The following PXK variants were observed in gnomAD, a reference collection of about 807,000 sequenced individuals.
The protein encoded by PXK is PX domain-containing protein kinase-like protein.
A neutral mutation model predicts 84.7 loss-of-function variants in PXK; 35 were observed. The ratio of observed to expected loss-of-function variants is 0.41; its 90% CI spans 0.32 to 0.55. The LOEUF is 0.55. PXK is among the 20% of genes least tolerant of loss of function. The pLI is 0.21. For missense variants in PXK, 634 were observed against 699.7 expected, an observed-to-expected ratio of 0.91 and a Z score of 1.06; for synonymous variants, 253 against 260.8, an observed-to-expected ratio of 0.97 and a Z score of 0.29.
In PXK at chr3:58,425,925, C is replaced by A. The variant is rs2062752560; in HGVS notation, c.*965C>A. ...TAATCCATTTAAAAATTCAAGTACA[C>A]ACATCAGTGTTGGTTACTATGCAGA... On this transcript the variant is annotated 3_prime_UTR_variant, in exon 18 of 18. Transcript: ENST00000356151. 6.6e-6 allele frequency: 1 copy of A among 152,202 alleles called. No homozygotes were observed. Among genetic ancestry groups the A allele is most frequent in the Non-Finnish European group, 1.5e-5 (1 of 68,036 alleles). The allele number at this position is 152,202 out of a possible 1,614,324, so 9.4% of individuals were successfully genotyped here.
At chr3:58,340,156 CG>C (rs1316038340) in intron 1 of PXK, among the ~76,000 whole-genome samples, 17 of 148,838 alleles carry the variant, frequency 1.1e-4, no homozygotes, top group Admixed American at 2.0e-4. Flanking sequence ...GGTCTCACTC[CG>C]TCAGCCAGGC....
chr3:58,419,732 C>T (rs1273874090), intron 17 of PXK, among the ~76,000 whole-genome samples: 2 of 152,216 alleles, frequency 1.3e-5, no homozygotes, highest in African/African-American at 4.8e-5. Context: ...GCTGGAGGGC[C>T]TCTTTTCCGT....
chr3:58,410,174 A>C lies in PXK; in HGVS notation c.1465+15A>C, dbSNP rs750077626. 2 of 1,548,854 alleles carry C rather than the reference A, an allele frequency of 1.3e-6. No homozygotes were observed. The highest frequency in any genetic ancestry group is 3.3e-5 in the Admixed American group (2 of 59,902). Reference sequence around the variant, plus strand: ...CAATAATTCAGGTAACTGGTTATAGATGGTAGTGGGGCCCAGGACACAGAG... The same window carrying C: ...CAATAATTCAGGTAACTGGTTATAGCTGGTAGTGGGGCCCAGGACACAGAG... On this transcript the variant is annotated intron_variant, in intron 16 of 17. Coordinates refer to ENST00000356151, the MANE Select transcript of PXK (RefSeq NM_017771.5).
chr3:58,413,301 A>G (rs1228165748), intron 17 of PXK: 1 of 302,714 alleles, frequency 3.3e-6, no homozygotes, highest in Non-Finnish European at 6.3e-6. Flanking sequence ...GCCGTGGCCC[A>G]GGGGTCCCGT....
intron 1 of PXK, among the ~76,000 whole-genome samples, chr3:58,342,543 G>A (rs2097754943): frequency 6.7e-6 from 1 of 148,906 alleles, no homozygotes; most frequent in Non-Finnish European, 1.5e-5. Context: ...GCTGAGGCAC[G>A]AGAATCGCTT....
Position 58,395,746 on chromosome 3 carries a change from G to A in PXK, c.809G>A (p.Arg270Gln), listed in dbSNP as rs879025708. ...CTCCAGCAAATAAAAACATATGGAC[G>A]GCAAATATTAGAGGTAAGAGGTACT... ...LELQQIKTYG[R>Q]QILEVLKFLH... The change falls in exon 9 of 18, where the codon CGG becomes CAG. Residue 270 changes from arginine to glutamine, a missense_variant. Arg to Gln is a conservative substitution (Grantham distance 43). Around this residue, in one of 3 missense-constraint regions of PXK, gnomAD observed 353 missense variants for 385.2 expected, o/e 0.92. Transcript: ENST00000356151. 9 of 1,608,434 alleles carry A rather than the reference G, an allele frequency of 5.6e-6. No homozygotes were observed. The highest frequency in any genetic ancestry group is 2.2e-5 in the East Asian group (1 of 44,776).
chr3:58,423,215 TCAACAGTTAC>T (rs1407898400), intron 17 of PXK: 1 of 983,878 alleles, frequency 1.0e-6, no homozygotes, highest in Non-Finnish European at 1.2e-6. Context: ...TTTTCCCACT[TCAACAGTTAC>T]TTCAGGTTTA....
rs2059948297 is a variant in PXK, at chr3:58,409,909, T to C, written c.1396-181T>C. 6.6e-6 allele frequency among the ~76,000 whole-genome samples: 1 copy of C among 152,236 alleles called. No homozygotes were observed. On this transcript the variant is annotated intron_variant, in intron 15 of 17. Transcript: ENST00000356151. This position sits in a 1 kb window ranked among gnomAD's most constrained non-coding sequence, Gnocchi z 4.2. ...AGTAAAGTCAGCATTTTTTGTTTTATTTCTGCCTTTAGTTTTGGCTGTGAC... is the reference window on the plus strand; with the variant it reads ...AGTAAAGTCAGCATTTTTTGTTTTACTTCTGCCTTTAGTTTTGGCTGTGAC...
chr3:58,384,977 T>C (rs2098539283), intron 4 of PXK, among the ~76,000 whole-genome samples: 2 of 152,218 alleles, frequency 1.3e-5, no homozygotes, highest in African/African-American at 4.8e-5. Flanking sequence ...CTAGCCAGGA[T>C]TGCACATTTG....
chr3:58,384,487 G>GT (rs5849250), intron 4 of PXK, among the ~76,000 whole-genome samples: 1 of 152,122 alleles, frequency 6.6e-6, no homozygotes, highest in East Asian at 1.9e-4. Context: ...GCCTTCACTT[G>GT]TTTTTTTTGT....
chr3:58,382,032 C>G lies in PXK; in HGVS notation c.202-482C>G, dbSNP rs77810434. Among the ~76,000 whole-genome samples the G allele has an allele frequency of 5.4e-3, 825 of 152,272 alleles. 8 individuals carry two copies. The highest frequency in any genetic ancestry group is 9.4e-3 in the Non-Finnish European group (640 of 68,022). ...AAATAAAGTTTTAAAATTACTATGC[C>G]TGGCCAGATGTGGTGGCTCATACCT... On this transcript the variant is annotated intron_variant, in intron 3 of 17. Coordinates refer to ENST00000356151, the MANE Select transcript of PXK (RefSeq NM_017771.5).
rs568732141 is a variant in PXK at position 58,401,582 on chromosome 3, C to G, written c.1181+2205C>G. Among the ~76,000 whole-genome samples the G allele has an allele frequency of 1.3e-4, 20 of 152,252 alleles. No homozygotes were observed. The highest frequency in any genetic ancestry group is 2.5e-4 in the Non-Finnish European group (17 of 68,012). On this transcript the variant is annotated intron_variant, in intron 12 of 17. Transcript: ENST00000356151. The surrounding 1 kb of genome is among the most constrained non-coding windows in gnomAD (Gnocchi z 4.4). ...TTGAGGTTGCAGTGAGCTGTGAACTCACCACTGCACTCCAGCCTAGATGAC... is the reference window on the plus strand; with the variant it reads ...TTGAGGTTGCAGTGAGCTGTGAACTGACCACTGCACTCCAGCCTAGATGAC...
intron 2 of PXK, among the ~76,000 whole-genome samples, chr3:58,369,116 G>A (rs766263464): frequency 6.6e-6 from 1 of 152,032 alleles, no homozygotes; most frequent in Non-Finnish European, 1.5e-5. Context: ...ATCTTTCTAG[G>A]TGCCTGGTTA....
rs1328469001 is a variant in PXK at position 58,370,388 on chromosome 3, C to A, written c.201+910C>A. On this transcript the variant is annotated intron_variant, in intron 3 of 17. Coordinates refer to ENST00000356151, the MANE Select transcript of PXK (RefSeq NM_017771.5). The surrounding 1 kb of genome is among the most constrained non-coding windows in gnomAD (Gnocchi z 4.2). ...AGCACCTTAGGAAGTCCTGCCAATA[C>A]CCGCCATGTCTTCACTTGGCAGGCT... Among the ~76,000 whole-genome samples the A allele has an allele frequency of 3.3e-4, 50 of 152,188 alleles. 1 individual carries two copies. The highest frequency in any genetic ancestry group is 3.2e-3 in the Admixed American group (49 of 15,272).
rs145159214 is a variant in PXK at position 58,399,280 on chromosome 3, T to G, written c.1103-19T>G. 4 of 1,610,506 alleles carry G rather than the reference T, an allele frequency of 2.5e-6. No homozygotes were observed. Among genetic ancestry groups the G allele is most frequent in the Non-Finnish European group, 2.5e-6 (3 of 1,176,836 alleles). ...CAGCGTGTTCTGTGGAACTAAAATG[T>G]GTATCTGTTCATTTCAAGTGGCCGT... On this transcript the variant is annotated intron_variant, in intron 11 of 17. Transcript: ENST00000356151. The surrounding 1 kb of genome is among the most constrained non-coding windows in gnomAD (Gnocchi z 4.3).
intron 3 of PXK, among the ~76,000 whole-genome samples, chr3:58,373,554 G>C (rs1448612698): frequency 6.6e-6 from 1 of 152,192 alleles, no homozygotes; most frequent in African/African-American, 2.4e-5. Flanking sequence ...GACAAATTGA[G>C]GGTCTGTTGA....
At chr3:58,389,999 C>CAAAAAAAA (rs61380830) in intron 4 of PXK, among the ~76,000 whole-genome samples, 6 of 51,610 alleles carry the variant, frequency 1.2e-4, no homozygotes, top group Non-Finnish European at 1.6e-4. Context: ...AACTCCGTCT[C>CAAAAAAAA]AAAAAAAAAA....
intron 3 of PXK, among the ~76,000 whole-genome samples, chr3:58,377,819 G>A (rs1210136451): frequency 1.3e-5 from 2 of 152,126 alleles, no homozygotes; most frequent in East Asian, 3.9e-4. Context: ...AAATCCAGTG[G>A]GTGAGAGCTA....
chr3:58,410,580 G>A lies in PXK; in HGVS notation c.1465+421G>A, dbSNP rs555937271. Among the ~76,000 whole-genome samples, 3 of 152,356 alleles carry A rather than the reference G, an allele frequency of 2.0e-5. No homozygotes were observed. The East Asian group carries it at 5.8e-4, about 29-fold the overall frequency. ...TGCTCTCCTGTGTGAATTAAGGAAA[G>A]GACTCGATGGTGTGTGGGGATGGCA... is the stretch of plus-strand genomic sequence containing the variant. On this transcript the variant is annotated intron_variant, in intron 16 of 17. Transcript: ENST00000356151.
Sources: allele counts gnomAD v4.1 joint callset (sites outside exome capture counted in the v4.1 genomes callset), GRCh38; gene constraint gnomAD v4.1.1; regional missense constraint gnomAD v4.1.1; non-coding constraint Gnocchi (gnomAD v3.1); transcripts MANE v1.5; gene names NCBI Gene and HGNC (gene_info 2026-07-23, HGNC 2026-07-21).